Variants in TEX9 observed in about 807,000 individuals in gnomAD.
TEX9 encodes testis-expressed protein 9.
A neutral mutation model predicts 59.6 loss-of-function variants in TEX9; 74 were observed. The ratio of observed to expected loss-of-function variants is 1.24; its 90% CI spans 1.03 to 1.51. The LOEUF (loss-of-function observed/expected upper bound fraction) is 1.51. Ranked by LOEUF, TEX9 falls within the 40% of genes most tolerant of loss-of-function variation. The probability of loss-of-function intolerance (pLI) is 0.00; values close to 1 mark genes in which losing one functional copy is unlikely to be tolerated. For synonymous variants in TEX9, 186 were observed against 152.2 expected, an observed-to-expected ratio of 1.22 and a Z score of -1.64; for missense variants, 522 against 447.8, an observed-to-expected ratio of 1.17 and a Z score of -1.49.
At chr15:56,339,241 G>T (rs539941416) in intron 1 of TEX9, among the ~76,000 whole-genome samples, 1 of 151,434 alleles carries the variant, frequency 6.6e-6, no homozygotes, top group African/African-American at 2.4e-5. Flanking sequence ...AAATTAGCCG[G>T]GTGTGGTGGT....
intron 1 of TEX9, among the ~76,000 whole-genome samples, chr15:56,256,686 G>T (rs780680669): frequency 6.6e-6 from 1 of 152,042 alleles, no homozygotes; most frequent in Non-Finnish European, 1.5e-5. Context: ...TTAGAAATTA[G>T]AAGGGGATAT....
At chr15:56,430,788 C>T (rs1001925965) in intron 12 of TEX9, among the ~76,000 whole-genome samples, 16 of 152,178 alleles carry the variant, frequency 1.1e-4, no homozygotes, top group African/African-American at 3.1e-4. Flanking sequence ...TGTTTTCATA[C>T]ACATTCTCAT....
At chr15:56,390,112 A>G (rs969536329) in intron 6 of TEX9, among the ~76,000 whole-genome samples, 9 of 151,938 alleles carry the variant, frequency 5.9e-5, no homozygotes, top group Non-Finnish European at 1.3e-4. Context: ...GGATGGAAAA[A>G]ATAGAGTGAA....
intron 6 of TEX9, 137 bp from the exon 7 acceptor site, chr15:56,391,106 C>T (rs544038806): frequency 2.2e-6 from 1 of 447,962 alleles, no homozygotes; most frequent in Non-Finnish European, 3.8e-6. Context: ...ATATCAATTA[C>T]AGATTTCATC....
At position 56,252,722 on chromosome 15, in the gene TEX9, G is replaced by A. The variant is rs986819071; in HGVS notation, c.-107+8444G>A. On this transcript the variant is annotated intron_variant, in intron 1 of 5. Coordinates refer to the TEX9 transcript ENST00000560827. ...CACTCTTGGGCAGATGAGGCTTGAG[G>A]CTGACCCTCATGGAGATCCCCCGGG... 2.6e-5 allele frequency among the ~76,000 whole-genome samples: 4 copies of A among 152,030 alleles called. No individual in the cohort carries two copies. In the East Asian group the frequency reaches 7.7e-4, roughly 29 times the overall value.
intron 12 of TEX9, among the ~76,000 whole-genome samples, chr15:56,438,728 T>A (rs2050769920): frequency 6.6e-6 from 1 of 151,808 alleles, no homozygotes; most frequent in Non-Finnish European, 1.5e-5. Context: ...TGGGAGAAAA[T>A]TTTTGCAATC....
At chr15:56,394,045 ATC>A in intron 7 of TEX9, 118 bp from the exon 8 acceptor site, 1 of 811,284 alleles carries the variant, frequency 1.2e-6, no homozygotes, top group Non-Finnish European at 1.9e-6. Context: ...CCTAACAGAT[ATC>A]TCCTATTTGA....
rs939327172 is a variant in TEX9 at position 56,381,488 on chromosome 15, G to A, written c.184-2464G>A. 2.0e-5 allele frequency among the ~76,000 whole-genome samples: 3 copies of A among 152,320 alleles called. No individual in the cohort carries two copies. The East Asian group carries it at 5.8e-4, about 29-fold the overall frequency. On this transcript the variant is annotated intron_variant, in intron 3 of 12. Transcript: ENST00000352903. ...TGTTTGTCACTGTCTAGGCATTGAA[G>A]AGTTAAGTACTGTAGTCTTCACAGT...
At chr15:56,330,369 CAGAA>C (rs1434454837) in intron 1 of TEX9, among the ~76,000 whole-genome samples, 5 of 151,988 alleles carry the variant, frequency 3.3e-5, no homozygotes, top group African/African-American at 4.8e-5. Flanking sequence ...AGTAAGTACA[CAGAA>C]AAAGTCAGAA....
chr15:56,443,714 A>G (rs1446905517), intron 12 of TEX9: 5 of 1,613,142 alleles, frequency 3.1e-6, no homozygotes, highest in Non-Finnish European at 4.2e-6. Context: ...TTGCTGCTGC[A>G]TGTTAGCAAA....
At chr15:56,294,987 G>A (rs1209358617) in intron 1 of TEX9, among the ~76,000 whole-genome samples, 1 of 152,050 alleles carries the variant, frequency 6.6e-6, no homozygotes, top group Non-Finnish European at 1.5e-5. Flanking sequence ...CAGTAGTGAA[G>A]GCTGTATGTT....
Position 56,431,572 on chromosome 15 carries a change from A to T in TEX9, c.*29+3099A>T, listed in dbSNP as rs2050597231. ...ACGAAGTTTTCAAATAAAACTACTC[A>T]TGCAATGAATTAGATAAAATTGATG... is the stretch of plus-strand genomic sequence containing the variant. On this transcript the variant is annotated intron_variant, in intron 12 of 12. Coordinates refer to ENST00000352903, the Ensembl canonical transcript of TEX9. The T allele has an allele frequency of 2.7e-6, 4 of 1,460,172 alleles. No individual in the cohort carries two copies. In the South Asian group the frequency reaches 4.8e-5, roughly 18 times the overall value. 90.5% of individuals were successfully genotyped at this position (1,460,172 alleles called of 1,614,324 possible).
At chr15:56,260,753 C>A (rs1430169401) in intron 1 of TEX9, among the ~76,000 whole-genome samples, 3 of 151,710 alleles carry the variant, frequency 2.0e-5, no homozygotes, top group African/African-American at 7.3e-5. Context: ...GTTGTTCTAG[C>A]CTCAAAAAAA....
chr15:56,398,092 A>G (rs1426021169), intron 9 of TEX9: 5 of 152,194 alleles, frequency 3.3e-5, no homozygotes, highest in African/African-American at 1.2e-4. Flanking sequence ...ATAAAAGTTA[A>G]TTATAGTATT....
In TEX9 at chr15:56,266,056, T is replaced by G. The variant is rs550677550; in HGVS notation, c.-107+21778T>G. ...TTTACTTCCTATATTCTGCAAATCT[T>G]TTGTTAGATGTGTGATTATTATGCA... On this transcript the variant is annotated intron_variant, in intron 1 of 5. Coordinates refer to the TEX9 transcript ENST00000560827. Among the ~76,000 whole-genome samples the G allele has an allele frequency of 5.9e-5, 9 of 152,298 alleles. No individual in the cohort carries two copies. In the East Asian group the frequency reaches 1.7e-3, roughly 29 times the overall value.
At chr15:56,272,873 CTT>C (rs1567069439) in intron 1 of TEX9, among the ~76,000 whole-genome samples, 1 of 151,788 alleles carries the variant, frequency 6.6e-6, no homozygotes, top group Non-Finnish European at 1.5e-5. Context: ...CCTTTATTCT[CTT>C]TCTGTCTTTT....
At chr15:56,460,009 A>AAAAAAAAAAAAAAAAAATATATATAT in the TEX9 span, among the ~76,000 whole-genome samples, 1 of 26,406 alleles carries the variant, frequency 3.8e-5, no homozygotes, top group African/African-American at 1.5e-4. Context: ...AAAAAAAAAA[A>AAAAAAAAAAAAAAAAAATATATATAT]ATACATATAT....
At chr15:56,402,456 A>G (rs2048844649) in intron 9 of TEX9, among the ~76,000 whole-genome samples, 1 of 152,232 alleles carries the variant, frequency 6.6e-6, no homozygotes, top group Admixed American at 6.5e-5. Context: ...GAATTTCTGA[A>G]TAGATCAATA....
At chr15:56,252,630 C>A (rs1034728833) in intron 1 of TEX9, among the ~76,000 whole-genome samples, 2 of 152,130 alleles carry the variant, frequency 1.3e-5, no homozygotes, top group Admixed American at 6.6e-5. Context: ...AGCTTTGTTC[C>A]TTTTAAGGAA....
Sources: gnomAD v4.1 joint callset for allele counts (sites outside exome capture counted in the v4.1 genomes callset) on GRCh38, gnomAD v4.1.1 for gene constraint, MANE v1.5 for transcripts, NCBI Gene and HGNC (gene_info 2026-07-23, HGNC 2026-07-21) for gene names.